The following FRY variants were observed in gnomAD, a reference collection of about 807,000 sequenced individuals.
The protein encoded by FRY is FRY microtubule binding protein.
A neutral mutation model predicts 348.4 loss-of-function variants in FRY; 128 were observed. The ratio of observed to expected loss-of-function variants is 0.37; its 90% confidence interval spans 0.32 to 0.43. The LOEUF is 0.43. FRY is among the 20% of genes least tolerant of loss of function. The pLI is 1.00. For missense variants in FRY, 2,736 were observed against 3,695.2 expected (o/e 0.74, Z 6.73); for synonymous variants, 1,370 against 1,374.7 (o/e 1.00, Z 0.08).
At chr13:32,232,459 C>T (rs1054236023) in intron 41 of FRY, among the ~76,000 whole-genome samples, 1 of 152,112 alleles carries the variant, frequency 6.6e-6, no homozygotes, top group South Asian at 2.1e-4. Flanking sequence ...AACAAACAGC[C>T]CCCAGAGCTC....
intron 59 of FRY, among the ~76,000 whole-genome samples, chr13:32,293,710 C>A (rs1217542001): frequency 6.6e-6 from 1 of 152,170 alleles, no homozygotes. Flanking sequence ...GGGAAAATAT[C>A]TTTTACTGCT....
chr13:32,179,013 A>G lies in FRY; in HGVS notation c.2851A>G (p.Thr951Ala), dbSNP rs749741472. Reference sequence around the variant, plus strand: ...AATAATGGCGACCACACCTGATGGTACAGTGAGCTACGATAACAAGGTGAC... The same window carrying G: ...AATAATGGCGACCACACCTGATGGTGCAGTGAGCTACGATAACAAGGTGAC... ...PEIMATTPDG[T>A]VSYDNKAIGT... is the part of the protein sequence containing the mutation. The change falls in exon 22 of 61, where the codon ACA becomes GCA. Residue 951 changes from threonine to alanine, a missense_variant. Thr to Ala is a moderately conservative substitution (Grantham distance 58). Transcript: ENST00000542859. The G allele has an allele frequency of 3.1e-6, 5 of 1,613,432 alleles. No individual in the cohort carries two copies. In the East Asian group the frequency reaches 8.9e-5, roughly 29 times the overall value.
intron 46 of FRY, among the ~76,000 whole-genome samples, chr13:32,240,506 G>T (rs1344788496): frequency 6.6e-6 from 1 of 152,108 alleles, no homozygotes; most frequent in Admixed American, 6.6e-5. Context: ...TTTAAAACTG[G>T]AATGGTACTT....
intron 1 of FRY, among the ~76,000 whole-genome samples, chr13:32,055,863 C>A (rs545681984): frequency 6.2e-4 from 95 of 152,196 alleles, no homozygotes; most frequent in African/African-American, 2.2e-3. Flanking sequence ...AACATAGAAT[C>A]CCTTCTGATT....
At chr13:32,235,261 G>C (rs958836449) in intron 42 of FRY, among the ~76,000 whole-genome samples, 2 of 152,214 alleles carry the variant, frequency 1.3e-5, no homozygotes, top group African/African-American at 4.8e-5. Context: ...CCAGAGATTG[G>C]GAAGCTGAAC....
At chr13:32,241,933 T>A (rs1481229355) in intron 46 of FRY, among the ~76,000 whole-genome samples, 1 of 152,220 alleles carries the variant, frequency 6.6e-6, no homozygotes. Flanking sequence ...GCTATGCACA[T>A]ACATATAATT....
chr13:32,133,066 G>A (rs1350752244), intron 8 of FRY, among the ~76,000 whole-genome samples: 1 of 152,172 alleles, frequency 6.6e-6, no homozygotes, highest in Admixed American at 6.5e-5. Context: ...GCAGATGGCT[G>A]CTGAGGGGTA....
At chr13:32,243,602 A>G (rs1335449806) in intron 46 of FRY, among the ~76,000 whole-genome samples, 1 of 152,212 alleles carries the variant, frequency 6.6e-6, no homozygotes, top group African/African-American at 2.4e-5. Flanking sequence ...TGCCAGTTTG[A>G]TAACTGACAG....
At chr13:32,275,488 C>T (rs1009325015) in intron 56 of FRY, among the ~76,000 whole-genome samples, 2 of 152,170 alleles carry the variant, frequency 1.3e-5, no homozygotes, top group African/African-American at 4.8e-5. Context: ...ATGGCCAGTC[C>T]AGGCCAAGGC....
At chr13:32,219,691 A>G (rs866227144) in intron 36 of FRY, among the ~76,000 whole-genome samples, 7 of 151,936 alleles carry the variant, frequency 4.6e-5, no homozygotes, top group South Asian at 2.1e-4. Context: ...CCCAGGAGGC[A>G]GAGCTTGCAG....
chr13:32,224,687 C>T lies in FRY; in HGVS notation c.4917-246C>T, dbSNP rs368105315. Among the ~76,000 whole-genome samples the T allele has an allele frequency of 6.6e-5, 10 of 152,306 alleles. No homozygotes were observed. In the East Asian group the frequency reaches 1.7e-3, roughly 26 times the overall value. On this transcript the variant is annotated intron_variant, in intron 37 of 60. Coordinates refer to ENST00000542859, the MANE Select transcript of FRY (RefSeq NM_023037.3). The stretch of plus-strand genomic sequence containing the variant: ...GAGAGGGACCTTGTCTTTGATTTCT[C>T]TTCATCCCTTAGCTCTTATTGCCTA...
chr13:32,144,220 CA>C (rs1163649103), intron 11 of FRY, among the ~76,000 whole-genome samples: 80 of 136,274 alleles, frequency 5.9e-4, no homozygotes, highest in South Asian at 9.6e-4. Flanking sequence ...CCAAAACAAA[CA>C]AAAAAAAAAA....
chr13:32,032,110 A>G (rs547822169), intron 1 of FRY, among the ~76,000 whole-genome samples: 12 of 151,764 alleles, frequency 7.9e-5, no homozygotes, highest in Middle Eastern at 3.4e-3. Flanking sequence ...CTTAAGTGCA[A>G]AGGCTGCAAT....
chr13:32,178,040 T>C, intron 20 of FRY, 137 bp from the exon 21 acceptor site: 1 of 826,952 alleles, frequency 1.2e-6, no homozygotes, highest in Non-Finnish European at 2.1e-6. Context: ...AGGTGCAGGA[T>C]TGGTGTTTCA....
At chr13:32,152,297 G>A (rs1880845706) in intron 14 of FRY, among the ~76,000 whole-genome samples, 1 of 152,090 alleles carries the variant, frequency 6.6e-6, no homozygotes, top group South Asian at 2.1e-4. Context: ...AAAATCAAAG[G>A]AACTAGAATA....
At chr13:32,284,680 G>A (rs1037789672) in intron 58 of FRY, among the ~76,000 whole-genome samples, 1 of 152,098 alleles carries the variant, frequency 6.6e-6, no homozygotes, top group African/African-American at 2.4e-5. Context: ...GCAACAAGTG[G>A]GTACATACTA....
At chr13:32,077,222 G>A (rs1422838572) in intron 1 of FRY, among the ~76,000 whole-genome samples, 1 of 152,212 alleles carries the variant, frequency 6.6e-6, no homozygotes, top group Admixed American at 6.5e-5. Context: ...AGGGTGCTGA[G>A]GCTGGATGAT....
At chr13:32,112,857 C>T (rs1315798447) in intron 3 of FRY, among the ~76,000 whole-genome samples, 1 of 152,106 alleles carries the variant, frequency 6.6e-6, no homozygotes, top group Non-Finnish European at 1.5e-5. Context: ...GAAAAGGAAG[C>T]AGATGAAGAA....
chr13:32,239,748 T>A lies in FRY; in HGVS notation c.6554T>A (p.Leu2185His). 6.2e-7 allele frequency: 1 copy of A among 1,613,950 alleles called. No homozygotes were observed. The highest frequency in any genetic ancestry group is 8.5e-7 in the Non-Finnish European group (1 of 1,179,786). The change falls in exon 46 of 61, where the codon CTT becomes CAT. Residue 2185 changes from leucine to histidine, a missense_variant. By Grantham distance (99) the Leu-to-His change is moderately conservative. Around this residue, in one of 9 missense-constraint regions of FRY, gnomAD observed 789 missense variants for 996.2 expected, o/e 0.79. Transcript: ENST00000542859. The surrounding 1 kb of genome is among the most constrained non-coding windows in gnomAD (Gnocchi z 4.3). ...GAGAAGAACCCCAAACTTTCAAATC[T>A]TGCACATGTCATGACTCTTTATAAA... ...LEEKNPKLSN[L>H]AHVMTLYKTH...
Sources: allele counts gnomAD v4.1 joint callset (sites outside exome capture counted in the v4.1 genomes callset), GRCh38; gene constraint gnomAD v4.1.1; regional missense constraint gnomAD v4.1.1; non-coding constraint Gnocchi (gnomAD v3.1); transcripts MANE v1.5; gene names NCBI Gene and HGNC (gene_info 2026-07-23, HGNC 2026-07-21).